HDGFL2: variants seen among roughly 807,000 people sequenced by gnomAD.
HDGFL2 encodes hepatoma-derived growth factor-related protein 2.
Under a neutral mutation model 77.1 loss-of-function variants are expected in HDGFL2, and 36 were observed. The observed-to-expected ratio is 0.47, with a 90% CI of 0.36 to 0.62. The LOEUF is 0.62. HDGFL2 is among the 20% of genes least tolerant of loss of function. The pLI is 0.00. For synonymous variants in HDGFL2, 463 were observed against 413.1 expected, an observed-to-expected ratio of 1.12 and a Z score of -1.46; for missense variants, 976 against 973.4, an observed-to-expected ratio of 1.00 and a Z score of -0.04.
chr19:4,488,897 G>C (rs1373428832), intron 4 of HDGFL2, 21 bp downstream of exon 4: 6 of 1,545,026 alleles, frequency 3.9e-6, no homozygotes, highest in Non-Finnish European at 5.3e-6. Context: ...ACCAAGGTGG[G>C]CTGGCCCTTC....
chr19:4,499,424 A>T (rs921482293), intron 13 of HDGFL2, 67 bp from the exon 14 acceptor site: 2 of 1,451,596 alleles, frequency 1.4e-6, no homozygotes, highest in African/African-American at 2.8e-5. Flanking sequence ...TGCTGGGGCG[A>T]GGGGTTCAGA....
chr19:4,497,075 A>T (rs1287773027), intron 10 of HDGFL2: 1 of 416,616 alleles, frequency 2.4e-6, no homozygotes, highest in Non-Finnish European at 4.8e-6. Flanking sequence ...GGGTTTCATC[A>T]TGTTGGCCAG....
intron 3 of HDGFL2, among the ~76,000 whole-genome samples, chr19:4,484,967 G>A (rs1224165961): frequency 2.6e-5 from 4 of 151,868 alleles, no homozygotes; most frequent in African/African-American, 4.8e-5. Context: ...CACCGTGCCC[G>A]GCCAATTTTT....
intron 14 of HDGFL2, among the ~76,000 whole-genome samples, chr19:4,500,601 C>T (rs1186520315): frequency 6.6e-6 from 1 of 150,666 alleles, no homozygotes; most frequent in Non-Finnish European, 1.5e-5. Flanking sequence ...GCTGGGACTA[C>T]AGGCACCCAA....
At chr19:4,484,467 C>T (rs1302212631) in intron 3 of HDGFL2, among the ~76,000 whole-genome samples, 2 of 151,024 alleles carry the variant, frequency 1.3e-5, no homozygotes, top group Non-Finnish European at 2.9e-5. Context: ...GCTTCTAGTA[C>T]ATTCTCAGTG....
Position 4,501,982 on chromosome 19 carries a change from A to C in HDGFL2, c.1988A>C (p.Asp663Ala). Residue 663 changes from aspartate to alanine, a missense_variant, in exon 16 of 16, where the codon GAC (aspartate) becomes GCC (alanine). Around this residue, in one of 5 missense-constraint regions of HDGFL2, gnomAD observed 229 missense variants for 187.3 expected, o/e 1.22. Coordinates refer to ENST00000616600, the MANE Select transcript of HDGFL2 (RefSeq NM_001001520.3). ...CAGGAGCGCGAGAGGGCACGGGGGG[A>C]CTCGGAGGCCCTGGACGAGGAGAGC... ...DRQERERARG[D>A]SEALDEES 1.3e-6 allele frequency: 2 copies of C among 1,512,042 alleles called. No individual in the cohort carries two copies. Among genetic ancestry groups the C allele is most frequent in the South Asian group, 2.5e-5 (2 of 79,374 alleles). 93.7% of individuals were successfully genotyped at this position (1,512,042 alleles called of 1,614,324 possible).
chr19:4,472,609 G>C (rs1339581157), intron 1 of HDGFL2, among the ~76,000 whole-genome samples, 187 bp downstream of exon 1: 3 of 150,610 alleles, frequency 2.0e-5, no homozygotes, highest in Admixed American at 6.6e-5. Flanking sequence ...GGGTCTGGGG[G>C]TCCTGGGCCG....
chr19:4,491,511 C>G, intron 4 of HDGFL2, 55 bp from the exon 5 acceptor site: 1 of 1,516,364 alleles, frequency 6.6e-7, no homozygotes, highest in Non-Finnish European at 9.1e-7. Context: ...CTGGGGGCTT[C>G]CTGCCAGGAG....
chr19:4,495,505 C>A (rs10408895), intron 9 of HDGFL2, among the ~76,000 whole-genome samples: 4 of 151,794 alleles, frequency 2.6e-5, no homozygotes, highest in African/African-American at 9.7e-5. Context: ...CAGAGGACTG[C>A]GCCTGGCGTG....
In HDGFL2 at chr19:4,485,245, A is replaced by T. The variant is rs1198406346; in HGVS notation, c.289-3431A>T. On this transcript the variant is annotated intron_variant, in intron 3 of 15. Coordinates refer to ENST00000616600, the MANE Select transcript of HDGFL2 (RefSeq NM_001001520.3). Reference sequence around the variant, plus strand: ...GGCCTGTCCTGGACATTTCATAGAAATGGAATCACACACTGTGTGGCCTTT... The same window carrying T: ...GGCCTGTCCTGGACATTTCATAGAATTGGAATCACACACTGTGTGGCCTTT... Among the ~76,000 whole-genome samples the T allele has an allele frequency of 2.6e-5, 4 of 152,322 alleles. No individual in the cohort carries two copies. The South Asian group carries it at 6.2e-4, about 24-fold the overall frequency.
At chr19:4,493,075 G>T (rs1160411123) in intron 6 of HDGFL2, among the ~76,000 whole-genome samples, 1 of 50,356 alleles carries the variant, frequency 2.0e-5, no homozygotes, top group African/African-American at 1.0e-4. Flanking sequence ...TCTGTGTGTG[G>T]TGTGTGTGTG....
chr19:4,475,177 T>A (rs990706006), intron 1 of HDGFL2, 98 bp from the exon 2 acceptor site: 2 of 998,074 alleles, frequency 2.0e-6, no homozygotes, highest in Non-Finnish European at 3.1e-6. Flanking sequence ...AAGGCTCCCC[T>A]CCTCCCAGCG....
chr19:4,472,769 T>G (rs970581157), intron 1 of HDGFL2, among the ~76,000 whole-genome samples: 3 of 146,466 alleles, frequency 2.0e-5, no homozygotes, highest in Non-Finnish European at 3.0e-5. Flanking sequence ...TCTGGTGGTG[T>G]TCGGATCCTG....
chr19:4,495,587 T>G (rs59572026), intron 9 of HDGFL2, among the ~76,000 whole-genome samples: 1 of 150,234 alleles, frequency 6.7e-6, no homozygotes, highest in African/African-American at 2.5e-5. Context: ...AGGAGGGCGG[T>G]GGGGAACGGA....
intron 3 of HDGFL2, among the ~76,000 whole-genome samples, chr19:4,479,212 G>A (rs2145159655): frequency 6.6e-6 from 1 of 152,060 alleles, no homozygotes; most frequent in Non-Finnish European, 1.5e-5. Context: ...AGCACTTTGG[G>A]AGACTGAGGA....
At chr19:4,481,081 G>C (rs1975201653) in intron 3 of HDGFL2, among the ~76,000 whole-genome samples, 1 of 151,604 alleles carries the variant, frequency 6.6e-6, no homozygotes, top group Non-Finnish European at 1.5e-5. Flanking sequence ...GAGTGCAGTG[G>C]TGCGGTCTCT....
At position 4,497,101 on chromosome 19, in the gene HDGFL2, C is replaced by G. The variant is rs377517187; in HGVS notation, c.1328+696C>G. On this transcript the variant is annotated intron_variant, in intron 10 of 15. Transcript: ENST00000616600. ...TGTTGGCCAGGCTGGTCTCGATCTC[C>G]TGACCCCGTGATCTGCCCGCCTCAG... 2.8e-5 allele frequency: 12 copies of G among 433,148 alleles called. No individual in the cohort carries two copies. The East Asian group carries it at 3.5e-4, about 13-fold the overall frequency. 26.8% of individuals were successfully genotyped at this position (433,148 alleles called of 1,614,324 possible).
chr19:4,488,475 A>C (rs988191855), intron 3 of HDGFL2, among the ~76,000 whole-genome samples: 19 of 152,122 alleles, frequency 1.2e-4, no homozygotes, highest in Non-Finnish European at 2.5e-4. Flanking sequence ...CCTAGTGCCC[A>C]CCATACACGA....
intron 3 of HDGFL2, among the ~76,000 whole-genome samples, chr19:4,487,300 A>T (rs10415226): frequency 6.6e-6 from 1 of 151,370 alleles, no homozygotes; most frequent in Non-Finnish European, 1.5e-5. Flanking sequence ...TCTATCACTC[A>T]GTCTGGAGTG....
Sources: allele counts gnomAD v4.1 joint callset (sites outside exome capture counted in the v4.1 genomes callset), GRCh38; gene constraint gnomAD v4.1.1; regional missense constraint gnomAD v4.1.1; transcripts MANE v1.5; gene names NCBI Gene and HGNC (gene_info 2026-07-23, HGNC 2026-07-21).